DYSF: variants seen among roughly 807,000 people sequenced by gnomAD.
DYSF encodes the protein dystrophy-associated fer-1-like 1.
In DYSF, 212 loss-of-function variants were observed where a neutral mutation model predicts 274.9. That is an observed-to-expected ratio of 0.77 (90% CI 0.69 to 0.86). The LOEUF is 0.86. Among genes scored for constraint, DYSF ranks in the 40% least tolerant of loss-of-function variants. The pLI, the probability that DYSF is intolerant of heterozygous loss-of-function variation, is 0.00. For synonymous variants in DYSF, 1,091 were observed against 1,078.7 expected, an observed-to-expected ratio of 1.01 and a Z score of -0.22; for missense variants, 2,666 against 2,783.2, an observed-to-expected ratio of 0.96 and a Z score of 0.95.
At chr2:71,483,554 T>C (rs565133556) in intron 3 of DYSF, among the ~76,000 whole-genome samples, 5 of 152,202 alleles carry the variant, frequency 3.3e-5, no homozygotes, top group South Asian at 2.1e-4. Context: ...CGTGCGGCCC[T>C]GTGAGAAGTG....
At chr2:71,511,684 C>A in intron 4 of DYSF, 123 bp from the exon 5 acceptor site, 4 of 748,698 alleles carry the variant, frequency 5.3e-6, no homozygotes, top group South Asian at 4.4e-5. Flanking sequence ...CAGCCTCCTG[C>A]AAACCTGGCT....
At chr2:71,668,455 A>G (rs1057121433) in intron 48 of DYSF, among the ~76,000 whole-genome samples, 2 of 152,066 alleles carry the variant, frequency 1.3e-5, no homozygotes, top group African/African-American at 4.8e-5. Flanking sequence ...GTGCTCTTTG[A>G]CACGCCACGA....
intron 17 of DYSF, among the ~76,000 whole-genome samples, chr2:71,542,600 A>G (rs1573863805): frequency 6.6e-6 from 1 of 152,182 alleles, no homozygotes; most frequent in Non-Finnish European, 1.5e-5. Flanking sequence ...GCCTTCAAGC[A>G]TCTGTTTAAC....
intron 29 of DYSF, among the ~76,000 whole-genome samples, chr2:71,572,190 A>G (rs947127970): frequency 7.2e-6 from 1 of 138,154 alleles, no homozygotes; most frequent in Non-Finnish European, 1.5e-5. Context: ...CACCCAGCAC[A>G]GATTACATCC....
At chr2:71,466,669 C>T (rs898366307), upstream of DYSF, 1 of 1,336,418 alleles carries the variant, frequency 7.5e-7, no homozygotes, top group African/African-American at 1.5e-5. Flanking sequence ...TGTCCGGTGT[C>T]CTCCCTGCAG....
chr2:71,571,861 A>T (rs531731385), intron 29 of DYSF, among the ~76,000 whole-genome samples: 1 of 136,304 alleles, frequency 7.3e-6, no homozygotes, highest in Admixed American at 7.3e-5. Context: ...CACCCACCAC[A>T]CACAGATCAC....
chr2:71,548,082 A>C (rs1406408172), intron 17 of DYSF, among the ~76,000 whole-genome samples: 8 of 152,192 alleles, frequency 5.3e-5, no homozygotes, highest in Non-Finnish European at 1.2e-4. Context: ...CGCCCACAGA[A>C]GGAAACCTCT....
At chr2:71,473,626 C>T (rs896859803) in intron 1 of DYSF, among the ~76,000 whole-genome samples, 4 of 152,192 alleles carry the variant, frequency 2.6e-5, no homozygotes, top group Non-Finnish European at 4.4e-5. Context: ...TTCTGCTCCT[C>T]CTGCTTCCCA....
At chr2:71,609,111 G>A (rs910966724) in intron 36 of DYSF, among the ~76,000 whole-genome samples, 4 of 152,174 alleles carry the variant, frequency 2.6e-5, no homozygotes, top group Non-Finnish European at 4.4e-5. Context: ...AGTGCCCAGG[G>A]AGGACATCAA....
intron 41 of DYSF, among the ~76,000 whole-genome samples, chr2:71,635,824 C>A: frequency 6.7e-6 from 1 of 148,530 alleles, no homozygotes. Flanking sequence ...GAAGGAGATA[C>A]AATAAACAAT....
At chr2:71,462,305 G>A (rs1573249311), upstream of DYSF, among the ~76,000 whole-genome samples, 1 of 152,166 alleles carries the variant, frequency 6.6e-6, no homozygotes, top group African/African-American at 2.4e-5. Flanking sequence ...GGCTGCGGCT[G>A]GGCCAGGCAT....
chr2:71,526,114 C>T (rs1217952727), intron 12 of DYSF, 106 bp from the exon 13 acceptor site: 3 of 1,595,870 alleles, frequency 1.9e-6, no homozygotes, highest in African/African-American at 1.3e-5. Flanking sequence ...GTCTGCCTTA[C>T]TGCAGAATGC....
At chr2:71,586,751 C>T (rs1419467119) in intron 30 of DYSF, among the ~76,000 whole-genome samples, 5 of 151,998 alleles carry the variant, frequency 3.3e-5, no homozygotes, top group Non-Finnish European at 2.9e-5. Flanking sequence ...GGCAGCCATC[C>T]GCGAGCAGGG....
At chr2:71,551,474 A>C (rs1481529683) in intron 18 of DYSF, 133 bp from the exon 19 acceptor site, 6 of 747,328 alleles carry the variant, frequency 8.0e-6, no homozygotes, top group Non-Finnish European at 1.4e-5. Context: ...CCTCACCTGC[A>C]GGGGGGATGA....
chr2:71,603,796 T>C (rs546001012), intron 36 of DYSF, among the ~76,000 whole-genome samples: 8 of 152,186 alleles, frequency 5.3e-5, no homozygotes, highest in African/African-American at 1.9e-4. Context: ...TGAGTGCACT[T>C]TGTGGCCAAA....
intron 1 of DYSF, among the ~76,000 whole-genome samples, 161 bp downstream of exon 1, chr2:71,467,094 G>A (rs2081587789): frequency 6.6e-6 from 1 of 152,250 alleles, no homozygotes; most frequent in African/African-American, 2.4e-5. Flanking sequence ...TTCTGCAGGG[G>A]GGCGATGAGG....
At chr2:71,568,706 G>A (rs1400640630) in intron 26 of DYSF, among the ~76,000 whole-genome samples, 3 of 152,038 alleles carry the variant, frequency 2.0e-5, no homozygotes, top group Non-Finnish European at 4.4e-5. Flanking sequence ...GACCACAGGC[G>A]TGCGCCATCA....
At chr2:71,511,716 G>T in intron 4 of DYSF, 91 bp from the exon 5 acceptor site, 1 of 860,286 alleles carries the variant, frequency 1.2e-6, no homozygotes, top group Non-Finnish European at 1.9e-6. Flanking sequence ...CATATTCCTT[G>T]GTGGAGGGAT....
intron 41 of DYSF, among the ~76,000 whole-genome samples, chr2:71,639,831 G>A (rs767402121): frequency 2.6e-5 from 4 of 152,154 alleles, no homozygotes; most frequent in Non-Finnish European, 4.4e-5. Flanking sequence ...GTGGCCATCC[G>A]TGCCCCACCA....
Sources: allele counts gnomAD v4.1 joint callset (sites outside exome capture counted in the v4.1 genomes callset), GRCh38; gene constraint gnomAD v4.1.1; transcripts MANE v1.5; gene names NCBI Gene and HGNC (gene_info 2026-07-23, HGNC 2026-07-21).